DOCK7: variants seen among roughly 807,000 people sequenced by gnomAD.
The protein encoded by DOCK7 is dedicator of cytokinesis 7, also known as dedicator of cytokinesis protein 7.
A neutral mutation model predicts 271.0 loss-of-function variants in DOCK7; 138 were observed. That is an observed-to-expected ratio of 0.51 (90% CI 0.44 to 0.59). DOCK7 has a LOEUF of 0.59. Among genes scored for constraint, DOCK7 ranks in the 20% least tolerant of loss-of-function variants. The pLI, the probability that DOCK7 is intolerant of heterozygous loss-of-function variation, is 0.00. For synonymous variants in DOCK7, 823 were observed against 876.1 expected (o/e 0.94, Z 1.07); for missense variants, 2,066 against 2,592.4 (o/e 0.80, Z 4.41).
intron 14 of DOCK7, chr1:62,605,741 T>G (rs771277525): frequency 6.6e-6 from 1 of 152,366 alleles, no homozygotes; most frequent in Non-Finnish European, 1.5e-5. Flanking sequence ...CTGACAAGCA[T>G]GTATATATGT....
At chr1:62,649,825 A>G (rs1657116406) in intron 4 of DOCK7, among the ~76,000 whole-genome samples, 2 of 152,170 alleles carry the variant, frequency 1.3e-5, no homozygotes, top group Non-Finnish European at 2.9e-5. Context: ...CATGCTTTCA[A>G]TATGGAGCCT....
chr1:62,472,351 C>T (rs1370873211), intron 48 of DOCK7, among the ~76,000 whole-genome samples: 4 of 152,088 alleles, frequency 2.6e-5, no homozygotes, highest in East Asian at 3.9e-4. Flanking sequence ...GTGATCCACC[C>T]GCCTCGGCCT....
At chr1:62,598,334 A>G (rs1444832453) in intron 14 of DOCK7, among the ~76,000 whole-genome samples, 2 of 152,080 alleles carry the variant, frequency 1.3e-5, no homozygotes, top group African/African-American at 4.8e-5. Context: ...CTATGTCATT[A>G]CACTATTGTA....
chr1:62,675,056 G>A (rs1471108052), intron 1 of DOCK7, among the ~76,000 whole-genome samples: 1 of 152,136 alleles, frequency 6.6e-6, no homozygotes, highest in Non-Finnish European at 1.5e-5. Flanking sequence ...TCTAAAGAAG[G>A]ACTTTTACTC....
chr1:62,639,602 T>G (rs1274679746), intron 7 of DOCK7, among the ~76,000 whole-genome samples: 2 of 151,710 alleles, frequency 1.3e-5, no homozygotes, highest in African/African-American at 4.8e-5. Flanking sequence ...ACCCAGCCAA[T>G]TTTTTGTATT....
At chr1:62,589,023 C>T (rs188735690) in intron 14 of DOCK7, among the ~76,000 whole-genome samples, 1 of 152,142 alleles carries the variant, frequency 6.6e-6, no homozygotes, top group Non-Finnish European at 1.5e-5. Context: ...ATAACAGGCA[C>T]AAGCCACAGT....
At chr1:62,633,350 AAT>A (rs1654860883) in intron 10 of DOCK7, 146 bp downstream of exon 10, 1 of 589,098 alleles carries the variant, frequency 1.7e-6, no homozygotes, top group African/African-American at 1.9e-5. Flanking sequence ...AACAGAAAAA[AAT>A]ATAGTACTAG....
At chr1:62,675,106 A>G (rs1340386207) in intron 1 of DOCK7, among the ~76,000 whole-genome samples, 1 of 152,196 alleles carries the variant, frequency 6.6e-6, no homozygotes. Context: ...AAGCAAGATA[A>G]ATAATCCCAC....
chr1:62,571,490 G>A (rs1163404359), intron 18 of DOCK7, among the ~76,000 whole-genome samples: 1 of 152,144 alleles, frequency 6.6e-6, no homozygotes, highest in African/African-American at 2.4e-5. Context: ...GGAAAACATT[G>A]TGGAGATTCC....
At chr1:62,471,843 G>A (rs1033977393) in intron 48 of DOCK7, among the ~76,000 whole-genome samples, 2 of 151,916 alleles carry the variant, frequency 1.3e-5, no homozygotes, top group Admixed American at 6.6e-5. Flanking sequence ...TGAAAAATAA[G>A]AATTTAAGAT....
At chr1:62,576,972 A>G (rs1358842719) in intron 18 of DOCK7, among the ~76,000 whole-genome samples, 4 of 152,220 alleles carry the variant, frequency 2.6e-5, no homozygotes, top group African/African-American at 9.6e-5. Flanking sequence ...CTCAAGTTAC[A>G]GTATGAAAAT....
rs1442751189 is a variant in DOCK7 at position 62,561,645 on chromosome 1, A to G, written c.2171T>C (p.Val724Ala). Residue 724 changes from valine to alanine, a missense_variant, in exon 19 of 50, where the codon GTT (valine) becomes GCT (alanine). Physicochemically the swap from Val to Ala is moderately conservative, Grantham distance 64. Around this residue, in one of 2 missense-constraint regions of DOCK7, gnomAD observed 1,414 missense variants for 1,670.4 expected, o/e 0.85. Coordinates refer to ENST00000635253, the MANE Select transcript of DOCK7 (RefSeq NM_001367561.1). ...DNHKGVFNVEVVAVSSIHTQD... is the reference protein window; with the variant it reads ...DNHKGVFNVEAVAVSSIHTQD... Reference sequence around the variant, plus strand: ...TGTATGGATAGACGAAACAGCAACAACTTCAACATTAAAAACACCTTTGTG... The same window carrying G: ...TGTATGGATAGACGAAACAGCAACAGCTTCAACATTAAAAACACCTTTGTG... 2 of 1,572,196 alleles carry G rather than the reference A, an allele frequency of 1.3e-6. No homozygotes were observed. Among genetic ancestry groups the G allele is most frequent in the East Asian group, 2.3e-5 (1 of 42,782 alleles).
Position 62,555,902 on chromosome 1 carries a change from C to T in DOCK7, c.2519G>A (p.Gly840Asp), listed in dbSNP as rs780108453. Residue 840 changes from glycine (G) to aspartate (D), a missense_variant, in exon 21 of 50, where the codon GGC becomes GAC. Around this residue, in one of 2 missense-constraint regions of DOCK7, gnomAD observed 1,414 missense variants for 1,670.4 expected, o/e 0.85. Transcript: ENST00000635253. ...ATATGATGCAAGAAGGCTGTTTCTG[C>T]CATGCTGGTCATGATTTCCTTCCAA... ...KNLEGNHDQH[G>D]RNSLLASYIH... is the part of the protein sequence containing the mutation. 1.9e-6 allele frequency: 3 copies of T among 1,613,850 alleles called. No homozygotes were observed. The highest frequency in any genetic ancestry group is 2.5e-6 in the Non-Finnish European group (3 of 1,179,906).
chr1:62,633,106 T>C (rs1654823973), intron 10 of DOCK7, among the ~76,000 whole-genome samples: 1 of 152,188 alleles, frequency 6.6e-6, no homozygotes. Flanking sequence ...CAAGAATACT[T>C]CTATTTTGCT....
intron 43 of DOCK7, chr1:62,483,913 A>AGAGTGT (rs1646215486): frequency 6.6e-6 from 1 of 152,006 alleles, no homozygotes; most frequent in South Asian, 2.1e-4. Context: ...TGTCACATTT[A>AGAGTGT]CCCACTTGAC....
intron 42 of DOCK7, chr1:62,488,280 A>C (rs890782526): frequency 6.6e-6 from 1 of 152,388 alleles, no homozygotes; most frequent in African/African-American, 2.4e-5. Flanking sequence ...AAAGAAATCA[A>C]CTGCTAGTAG....
intron 27 of DOCK7, among the ~76,000 whole-genome samples, chr1:62,539,171 T>A (rs1645445568): frequency 6.6e-6 from 1 of 152,188 alleles, no homozygotes; most frequent in Admixed American, 6.5e-5. Context: ...CAAAATGCAG[T>A]TGCTTTAAAA....
intron 14 of DOCK7, among the ~76,000 whole-genome samples, chr1:62,607,605 C>T (rs1179239234): frequency 8.5e-5 from 13 of 152,176 alleles, no homozygotes. Context: ...CTGTGTCTTT[C>T]AAGCTCATCT....
At chr1:62,494,637 G>A (rs991359747) in intron 39 of DOCK7, 170 bp from the exon 40 acceptor site, 31 of 393,240 alleles carry the variant, frequency 7.9e-5, no homozygotes, top group African/African-American at 2.2e-4. Context: ...AATAACTGTG[G>A]CCTATGGAAT....
Sources: gnomAD v4.1 joint callset for allele counts (sites outside exome capture counted in the v4.1 genomes callset) on GRCh38, gnomAD v4.1.1 for gene constraint, gnomAD v4.1.1 regional missense constraint, MANE v1.5 for transcripts, NCBI Gene and HGNC (gene_info 2026-07-23, HGNC 2026-07-21) for gene names.